Variants in THNSL1 observed in about 807,000 individuals in gnomAD.
THNSL1 encodes threonine synthase like 1.
In THNSL1, 48 loss-of-function variants were observed where a neutral mutation model predicts 50.4. The ratio of observed to expected loss-of-function variants is 0.95; its 90% confidence interval spans 0.76 to 1.21. THNSL1 has a LOEUF of 1.21. Among genes scored for constraint, THNSL1 ranks in the 50% most tolerant of loss-of-function variants. THNSL1 has a pLI of 0.00. For synonymous variants in THNSL1, 309 were observed against 306.1 expected, an observed-to-expected ratio of 1.01 and a Z score of -0.10; for missense variants, 896 against 871.7, an observed-to-expected ratio of 1.03 and a Z score of -0.35.
intron 1 of THNSL1, among the ~76,000 whole-genome samples, chr10:25,018,279 A>G (rs186791231): frequency 6.6e-6 from 1 of 152,290 alleles, no homozygotes; most frequent in Admixed American, 6.5e-5. Flanking sequence ...AAGCAAAATT[A>G]TTTCTAGTTT....
At chr10:24,984,789 T>C in the THNSL1 span, 14 of 1,613,946 alleles carry the variant, frequency 8.7e-6, no homozygotes, top group Non-Finnish European at 1.0e-5. Context: ...TGTCGTGTTC[T>C]AGTTGTTTCA....
the THNSL1 span, chr10:24,990,445 A>G: frequency 6.3e-7 from 1 of 1,599,336 alleles, no homozygotes; most frequent in Non-Finnish European, 8.5e-7. Context: ...AGATGAATGT[A>G]AATGGCAGAA....
At chr10:24,954,934 T>C in the THNSL1 span, among the ~76,000 whole-genome samples, 1 of 152,248 alleles carries the variant, frequency 6.6e-6, no homozygotes. Flanking sequence ...AAAAATTCTT[T>C]TTAAACCTCA....
upstream of THNSL1, among the ~76,000 whole-genome samples, chr10:25,014,250 G>A (rs1379768007): frequency 6.6e-6 from 1 of 152,156 alleles, no homozygotes; most frequent in African/African-American, 2.4e-5. Flanking sequence ...TGAGGCGTGG[G>A]AGATCAAAAG....
At chr10:25,014,890 C>A (rs753863249), upstream of THNSL1, among the ~76,000 whole-genome samples, 1 of 152,100 alleles carries the variant, frequency 6.6e-6, no homozygotes, top group Non-Finnish European at 1.5e-5. Flanking sequence ...AATAATTGAC[C>A]ATTAGATCTA....
At chr10:24,979,728 T>A in the THNSL1 span, among the ~76,000 whole-genome samples, 3 of 152,224 alleles carry the variant, frequency 2.0e-5, no homozygotes, top group African/African-American at 7.2e-5. Context: ...TCTTTCAATC[T>A]ATCTTTCCAT....
At chr10:24,968,720 T>C in the THNSL1 span, among the ~76,000 whole-genome samples, 15 of 152,116 alleles carry the variant, frequency 9.9e-5, no homozygotes, top group African/African-American at 3.6e-4. Flanking sequence ...CTGTAGTGAG[T>C]TGAAAAAAGC....
At chr10:24,995,982 T>C in the THNSL1 span, 1 of 782,238 alleles carries the variant, frequency 1.3e-6, no homozygotes, top group Non-Finnish European at 1.9e-6. Context: ...AGTCATAATA[T>C]ATTTAAATAT....
chr10:24,966,079 C>A, the THNSL1 span, among the ~76,000 whole-genome samples: 1 of 152,186 alleles, frequency 6.6e-6, no homozygotes, highest in Non-Finnish European at 1.5e-5. Context: ...ATAGAGGATG[C>A]CCTTAAGAAT....
the THNSL1 span, among the ~76,000 whole-genome samples, chr10:24,968,100 A>G: frequency 6.6e-6 from 1 of 151,920 alleles, no homozygotes; most frequent in African/African-American, 2.4e-5. Context: ...AGTGCAAAAT[A>G]TTAGTGGGAA....
intron 1 of THNSL1, among the ~76,000 whole-genome samples, chr10:25,020,331 A>C (rs1444167854): frequency 6.6e-6 from 1 of 151,778 alleles, no homozygotes; most frequent in African/African-American, 2.4e-5. Flanking sequence ...TTTAAAAACA[A>C]GAGGGTAGAG....
the THNSL1 span, among the ~76,000 whole-genome samples, chr10:24,971,691 G>C: frequency 1.3e-5 from 2 of 152,278 alleles, no homozygotes. Flanking sequence ...GGGATGTTTT[G>C]GTGGAAGAGC....
At chr10:25,023,003 A>G (rs1429453788) in intron 2 of THNSL1, among the ~76,000 whole-genome samples, 173 bp from the exon 3 acceptor site, 3 of 152,238 alleles carry the variant, frequency 2.0e-5, no homozygotes, top group Admixed American at 2.0e-4. Flanking sequence ...TATGCAATAT[A>G]TAAGAATTTG....
chr10:25,024,713 C>A lies in THNSL1; in HGVS notation c.1490C>A (p.Ser497Tyr). Residue 497 changes from serine to tyrosine, a missense_variant, in exon 3 of 3, where the codon TCT becomes TAT. Transcript: ENST00000376356. Reference sequence around the variant, plus strand: ...GATCTTGTTAGTCAAGGATTTATTTCTTTTGGAAGCCCAGTCGATGTCTGT... The same window carrying A: ...GATCTTGTTAGTCAAGGATTTATTTATTTTGGAAGCCCAGTCGATGTCTGT... ...YLDLVSQGFI[S>Y]FGSPVDVCIP... is the part of the protein sequence containing the mutation. The A allele has an allele frequency of 1.2e-6, 2 of 1,614,132 alleles. No individual in the cohort carries two copies. Among genetic ancestry groups the A allele is most frequent in the Non-Finnish European group, 1.7e-6 (2 of 1,180,014 alleles).
chr10:25,013,994 GA>G (rs770484098), upstream of THNSL1, among the ~76,000 whole-genome samples: 28 of 152,000 alleles, frequency 1.8e-4, no homozygotes, highest in Non-Finnish European at 3.4e-4. Context: ...GAAAATCTTG[GA>G]AACCATCTTA....
upstream of THNSL1, among the ~76,000 whole-genome samples, chr10:25,014,116 C>A (rs979695524): frequency 1.3e-5 from 2 of 152,150 alleles, no homozygotes; most frequent in East Asian, 1.9e-4. Context: ...AAGTGCCTTT[C>A]ATCCGATTTT....
chr10:25,025,743 T>TA lies in THNSL1; in HGVS notation c.*289dup, dbSNP rs1850838486. On this transcript the variant is annotated 3_prime_UTR_variant, in exon 3 of 3. Coordinates refer to ENST00000376356, the MANE Select transcript of THNSL1 (RefSeq NM_024838.5). ...ATTTCCACTCCCACACCCTCACTGT[T>TA]ATGTGGACCAAAATGTCTGGTATAC... The TA allele has an allele frequency of 3.2e-6, 1 of 314,906 alleles. No homozygotes were observed. 19.5% of individuals were successfully genotyped at this position (314,906 alleles called of 1,614,324 possible). A position where few individuals can be genotyped will look rare whatever the true frequency, so the allele number is the denominator to read the frequency against.
At chr10:24,957,961 C>T in the THNSL1 span, among the ~76,000 whole-genome samples, 1 of 152,192 alleles carries the variant, frequency 6.6e-6, no homozygotes, top group African/African-American at 2.4e-5. Context: ...AGCCTGGAGG[C>T]TTTTGTCCTG....
chr10:25,000,239 A>G, the THNSL1 span, among the ~76,000 whole-genome samples: 2 of 152,288 alleles, frequency 1.3e-5, no homozygotes, highest in African/African-American at 4.8e-5. Flanking sequence ...TTTATGGCAC[A>G]AAGTATGTTC....
Sources: allele counts gnomAD v4.1 joint callset (sites outside exome capture counted in the v4.1 genomes callset), GRCh38; gene constraint gnomAD v4.1.1; transcripts MANE v1.5; gene names NCBI Gene and HGNC (gene_info 2026-07-23, HGNC 2026-07-21).